ATL2: variants seen among roughly 807,000 people sequenced by gnomAD.
The protein encoded by ATL2 is atlastin GTPase 2.
Under a neutral mutation model 73.9 loss-of-function variants are expected in ATL2, and 31 were observed. The observed-to-expected ratio is 0.42, with a 90% confidence interval of 0.32 to 0.57. The LOEUF is 0.57. Among genes scored for constraint, ATL2 ranks in the 20% least tolerant of loss-of-function variants. The pLI is 0.14. For synonymous variants in ATL2, 291 were observed against 237.5 expected (o/e 1.23, Z -2.07); for missense variants, 738 against 702.6 (o/e 1.05, Z -0.57).
intron 2 of ATL2, 119 bp downstream of exon 2, chr2:38,343,149 T>TAAAA (rs59215933): frequency 1.6e-5 from 6 of 364,566 alleles, no homozygotes; most frequent in African/African-American, 4.3e-5. Context: ...CCACTTAAAT[T>TAAAA]AAAAAAAAAA....
At chr2:38,314,521 T>C in intron 6 of ATL2, 87 bp downstream of exon 6, 1 of 875,222 alleles carries the variant, frequency 1.1e-6, no homozygotes, top group South Asian at 1.5e-5. Flanking sequence ...TCTATTGTAA[T>C]ATCCTGGTGT....
intron 1 of ATL2, among the ~76,000 whole-genome samples, chr2:38,348,186 G>A (rs561057913): frequency 1.3e-5 from 2 of 152,170 alleles, no homozygotes; most frequent in Non-Finnish European, 2.9e-5. Context: ...ATGAAGCTTG[G>A]CTAGGCGCGG....
At chr2:38,343,149 T>C in intron 2 of ATL2, 119 bp downstream of exon 2, 3 of 363,070 alleles carry the variant, frequency 8.3e-6, no homozygotes, top group Non-Finnish European at 1.1e-5. Flanking sequence ...CCACTTAAAT[T>C]AAAAAAAAAA....
chr2:38,341,728 T>G (rs1268630784), intron 2 of ATL2, among the ~76,000 whole-genome samples: 5 of 152,342 alleles, frequency 3.3e-5, no homozygotes, highest in African/African-American at 9.6e-5. Flanking sequence ...TTTTCTAATA[T>G]AAACTATGCT....
chr2:38,327,018 G>T (rs574135995), intron 2 of ATL2, among the ~76,000 whole-genome samples: 1 of 151,120 alleles, frequency 6.6e-6, no homozygotes, highest in Non-Finnish European at 1.5e-5. Context: ...AATCATGCAA[G>T]CAGGAAGGAA....
At chr2:38,364,861 G>C (rs1186670269) in intron 1 of ATL2, among the ~76,000 whole-genome samples, 1 of 151,948 alleles carries the variant, frequency 6.6e-6, no homozygotes, top group Admixed American at 6.6e-5. Context: ...TGGCTAACAC[G>C]GTGAAACTCC....
At chr2:38,316,200 T>C (rs949337584) in intron 4 of ATL2, among the ~76,000 whole-genome samples, 16 of 152,240 alleles carry the variant, frequency 1.1e-4, no homozygotes, top group Non-Finnish European at 1.9e-4. Context: ...AGGTCAAGAA[T>C]ATAGTCAATT....
intron 2 of ATL2, among the ~76,000 whole-genome samples, chr2:38,329,114 G>A (rs1668831548): frequency 1.5e-5 from 2 of 134,624 alleles, no homozygotes; most frequent in South Asian, 2.5e-4. Flanking sequence ...AGGAGAACTA[G>A]ATCATCTATT....
intron 1 of ATL2, among the ~76,000 whole-genome samples, chr2:38,346,488 C>T (rs1039902476): frequency 6.6e-6 from 1 of 152,154 alleles, no homozygotes; most frequent in African/African-American, 2.4e-5. Context: ...CTCTTTAAAC[C>T]AGCGGTCCCC....
chr2:38,327,904 C>A (rs1428332433), intron 2 of ATL2, among the ~76,000 whole-genome samples: 1 of 152,050 alleles, frequency 6.6e-6, no homozygotes, highest in African/African-American at 2.4e-5. Flanking sequence ...CCACCGCACT[C>A]CAGCCTGGGT....
At chr2:38,334,342 C>A (rs1669178970) in intron 2 of ATL2, among the ~76,000 whole-genome samples, 1 of 151,156 alleles carries the variant, frequency 6.6e-6, no homozygotes, top group African/African-American at 2.4e-5. Context: ...ATCCCCTTAT[C>A]TTATATTCAG....
At chr2:38,354,987 G>A (rs542570437) in intron 1 of ATL2, among the ~76,000 whole-genome samples, 1 of 152,218 alleles carries the variant, frequency 6.6e-6, no homozygotes, top group East Asian at 1.9e-4. Context: ...AAAGACAAAA[G>A]AGATGAATGA....
chr2:38,325,424 T>G (rs949510730), intron 2 of ATL2, among the ~76,000 whole-genome samples: 4 of 151,560 alleles, frequency 2.6e-5, no homozygotes, highest in African/African-American at 9.7e-5. Flanking sequence ...AAGCTGAGAG[T>G]GAACTAGTTT....
chr2:38,321,465 CAGA>C (rs1288595101), intron 2 of ATL2, among the ~76,000 whole-genome samples: 3 of 152,120 alleles, frequency 2.0e-5, no homozygotes, highest in African/African-American at 4.8e-5. Flanking sequence ...TCACAGGAAT[CAGA>C]AGATTATTTT....
In ATL2 at chr2:38,309,510, G is replaced by C. The variant is rs1667631577; in HGVS notation, c.944-4C>G. The C allele has an allele frequency of 1.2e-6, 2 of 1,604,388 alleles. No individual in the cohort carries two copies. The highest frequency in any genetic ancestry group is 1.7e-6 in the Non-Finnish European group (2 of 1,177,950). On this transcript the variant is annotated splice_polypyrimidine_tract_variant and splice_region_variant and intron_variant, in intron 8 of 12. Transcript: ENST00000378954. ...CGTTTAAAGTCTTCATCAATATCTA[G>C]AAAACAAAAAATTGAGCAACATATT...
At chr2:38,339,138 C>G (rs1475551051) in intron 2 of ATL2, among the ~76,000 whole-genome samples, 1 of 152,146 alleles carries the variant, frequency 6.6e-6, no homozygotes, top group African/African-American at 2.4e-5. Context: ...ATCGCTTGAA[C>G]TCAGGAGGCG....
At chr2:38,299,602 A>G (rs1276829340) in intron 10 of ATL2, among the ~76,000 whole-genome samples, 1 of 152,196 alleles carries the variant, frequency 6.6e-6, no homozygotes, top group African/African-American at 2.4e-5. Context: ...GATAAAGATA[A>G]ATAGATATAA....
chr2:38,315,912 G>A (rs1313053143), intron 4 of ATL2, among the ~76,000 whole-genome samples: 1 of 152,148 alleles, frequency 6.6e-6, no homozygotes, highest in South Asian at 2.1e-4. Context: ...GCTAATAAAA[G>A]TAACAGTAGG....
chr2:38,370,590 G>A (rs1223282276), intron 1 of ATL2, among the ~76,000 whole-genome samples: 1 of 151,754 alleles, frequency 6.6e-6, no homozygotes, highest in East Asian at 1.9e-4. Context: ...GACCAACGTG[G>A]TAAGACCCGT....
Sources: gnomAD v4.1 joint callset for allele counts (sites outside exome capture counted in the v4.1 genomes callset) on GRCh38, gnomAD v4.1.1 for gene constraint, MANE v1.5 for transcripts, NCBI Gene and HGNC (gene_info 2026-07-23, HGNC 2026-07-21) for gene names.